The following AGO1 variants were observed in gnomAD, a reference collection of about 807,000 sequenced individuals.
The protein encoded by AGO1 is protein argonaute-1.
AGO1 carries 11 observed loss-of-function variants against 109.2 expected under a neutral mutation model. The ratio of observed to expected loss-of-function variants is 0.10; its 90% CI spans 0.06 to 0.17. AGO1 has a LOEUF of 0.17. Among genes scored for constraint, AGO1 ranks in the 10% least tolerant of loss-of-function variants. AGO1 has a pLI of 1.00. For synonymous variants in AGO1, 422 were observed against 418.6 expected (o/e 1.01, Z -0.10); for missense variants, 574 against 1,140.3 (o/e 0.50, Z 7.15).
Position 35,919,819 on chromosome 1 carries a change from C to G in AGO1, c.*212C>G, listed in dbSNP as rs958110614. The G allele has an allele frequency of 1.8e-6, 1 of 555,584 alleles. No individual in the cohort carries two copies. Among genetic ancestry groups the G allele is most frequent in the South Asian group, 2.3e-5 (1 of 43,400 alleles). 34.4% of individuals were successfully genotyped at this position (555,584 alleles called of 1,614,324 possible). On this transcript the variant is annotated 3_prime_UTR_variant, in exon 19 of 19. Coordinates refer to ENST00000373204, the MANE Select transcript of AGO1 (RefSeq NM_012199.5). The surrounding 1 kb of genome is among the most constrained non-coding windows in gnomAD (Gnocchi z 6.6). ...AAATCTCTGATATCAACCTCATGTC[C>G]CCCACCCCTCACCCCATCTTGTCAC...
Position 35,889,183 on chromosome 1 carries a change from CTTTT to C in AGO1, c.209+590_209+593del, listed in dbSNP as rs35255117. Among the ~76,000 whole-genome samples the C allele has an allele frequency of 7.1e-5, 8 of 113,408 alleles. No individual in the cohort carries two copies. In the South Asian group the frequency reaches 2.3e-3, roughly 32 times the overall value. The allele number at this position is 113,408 out of a possible 152,430, so 74.4% of individuals were successfully genotyped here. On this transcript the variant is annotated intron_variant, in intron 2 of 18. Coordinates refer to ENST00000373204, the MANE Select transcript of AGO1 (RefSeq NM_012199.5). The stretch of plus-strand genomic sequence containing the variant: ...CCTTATTTAGAGGAAGTGATATTTC[CTTTT>C]TTTTTTTTTTTTTTTTGAGAGGGAG...
At chr1:35,904,618 C>G (rs535867133) in intron 11 of AGO1, among the ~76,000 whole-genome samples, 1 of 152,282 alleles carries the variant, frequency 6.6e-6, no homozygotes, top group South Asian at 2.1e-4. Flanking sequence ...CCCAGAAACT[C>G]AAACTTGGAA....
chr1:35,893,231 G>A lies in AGO1; in HGVS notation c.465G>A (p.Glu155=), dbSNP rs146336392. 1.7e-4 allele frequency: 278 copies of A among 1,614,150 alleles called. No homozygotes were observed. The African/African-American group carries it at 3.5e-3, about 21-fold the overall frequency. ...LVSGQIPVPL[E]SVQALDVAMR... ...GCGGCCAGATCCCTGTTCCCTTGGA[G>A]TCTGTGCAAGCCCTGGATGTGGCCA... The change falls in exon 4 of 19, where the codon GAG becomes GAA. Residue 155 remains glutamate (E), a synonymous_variant. Transcript: ENST00000373204. This position sits in a 1 kb window ranked among gnomAD's most constrained non-coding sequence, Gnocchi z 5.6.
chr1:35,885,956 GCTAACCTAAC>G (rs889675080), intron 1 of AGO1, among the ~76,000 whole-genome samples: 2 of 152,208 alleles, frequency 1.3e-5, no homozygotes, highest in African/African-American at 4.8e-5. Flanking sequence ...TTGCCCACCA[GCTAACCTAAC>G]CTAACCTAAC....
In AGO1 at chr1:35,919,786, C is replaced by A; in HGVS notation, c.*179C>A. ...GGAACAGGGCCAGCAAGACAGACCA[C>A]CAGCCAGAAATCTCTGATATCAACC... On this transcript the variant is annotated 3_prime_UTR_variant, in exon 19 of 19. Transcript: ENST00000373204. This position sits in a 1 kb window ranked among gnomAD's most constrained non-coding sequence, Gnocchi z 6.6. 1 of 588,094 alleles carries A rather than the reference C, an allele frequency of 1.7e-6. No homozygotes were observed. The highest frequency in any genetic ancestry group is 3.0e-6 in the Non-Finnish European group (1 of 334,772). The allele number at this position is 588,094 out of a possible 1,614,324, so 36.4% of individuals were successfully genotyped here. A position where few individuals can be genotyped will look rare whatever the true frequency, so the allele number is the denominator to read the frequency against.
chr1:35,910,679 T>C (rs1295143880), intron 12 of AGO1, among the ~76,000 whole-genome samples: 4 of 152,246 alleles, frequency 2.6e-5, no homozygotes, highest in Admixed American at 6.5e-5. Flanking sequence ...TGGTTTGTTA[T>C]AGTTTTTCCA....
Position 35,919,884 on chromosome 1 carries a change from G to A in AGO1, c.*277G>A. ...CCACTGGACCAAAAGGGGCAGCACTGGTGCCCACCATACACACAGGTGTCT... is the reference window on the plus strand; with the variant it reads ...CCACTGGACCAAAAGGGGCAGCACTAGTGCCCACCATACACACAGGTGTCT... On this transcript the variant is annotated 3_prime_UTR_variant, in exon 19 of 19. Coordinates refer to ENST00000373204, the MANE Select transcript of AGO1 (RefSeq NM_012199.5). The surrounding 1 kb of genome is among the most constrained non-coding windows in gnomAD (Gnocchi z 6.6). 2 of 424,576 alleles carry A rather than the reference G, an allele frequency of 4.7e-6. No homozygotes were observed. The highest frequency in any genetic ancestry group is 8.6e-6 in the Non-Finnish European group (2 of 233,468). The allele number at this position is 424,576 out of a possible 1,614,324, so 26.3% of individuals were successfully genotyped here.
In AGO1 at chr1:35,913,878, T is replaced by G; in HGVS notation, c.1619T>G (p.Met540Arg). Residue 540 changes from methionine to arginine, a missense_variant, in exon 13 of 19, where the codon ATG becomes AGG. Met to Arg is a moderately conservative substitution (Grantham distance 91). Transcript: ENST00000373204. ...VKRVGDTLLG[M>R]ATQCVQVKNV... ...CGTGTCGGAGATACACTCTTGGGAATGGCTACGCAGTGTGTGCAGGTGAAG... is the reference window on the plus strand; with the variant it reads ...CGTGTCGGAGATACACTCTTGGGAAGGGCTACGCAGTGTGTGCAGGTGAAG... 1 of 1,614,048 alleles carries G rather than the reference T, an allele frequency of 6.2e-7. No homozygotes were observed. The highest frequency in any genetic ancestry group is 8.5e-7 in the Non-Finnish European group (1 of 1,180,006).
At chr1:35,884,329 G>A (rs1041917221) in intron 1 of AGO1, among the ~76,000 whole-genome samples, 4 of 152,116 alleles carry the variant, frequency 2.6e-5, no homozygotes, top group African/African-American at 9.7e-5. Flanking sequence ...GGGTCCTCCT[G>A]AAGATAGGCC....
Position 35,901,856 on chromosome 1 carries a change from G to T in AGO1, c.1141-92G>T, listed in dbSNP as rs1645422537. The stretch of plus-strand genomic sequence containing the variant: ...TTAGGACTATTCCGTACCAACCCCA[G>T]CTTCTCCTTAGGGTTCTCTCCTTGA... On this transcript the variant is annotated intron_variant, in intron 9 of 18. Transcript: ENST00000373204. The surrounding 1 kb of genome is among the most constrained non-coding windows in gnomAD (Gnocchi z 4.8). The T allele has an allele frequency of 1.3e-6, 2 of 1,498,660 alleles. No individual in the cohort carries two copies. The highest frequency in any genetic ancestry group is 1.8e-6 in the Non-Finnish European group (2 of 1,117,984). The allele number at this position is 1,498,660 out of a possible 1,614,324, so 92.8% of individuals were successfully genotyped here.
At position 35,917,601 on chromosome 1, in the gene AGO1, C is replaced by T. The variant is rs1645758202; in HGVS notation, c.2037C>T (p.His679=). 6.2e-7 allele frequency: 1 copy of T among 1,612,872 alleles called. No homozygotes were observed. Among genetic ancestry groups the T allele is most frequent in the East Asian group, 2.2e-5 (1 of 44,866 alleles). ...CATTTTTTTGTGCCTAGATACTCCA[C>T]TATGAGCTACTGGCCATTCGTGATG... The part of the protein sequence containing the change: ...VPEGQLPQIL[H]YELLAIRDAC... Residue 679 remains histidine (H), a synonymous_variant, in exon 16 of 19, where the codon CAC becomes CAT. Coordinates refer to ENST00000373204, the MANE Select transcript of AGO1 (RefSeq NM_012199.5).
intron 1 of AGO1, among the ~76,000 whole-genome samples, chr1:35,877,956 G>T (rs140988849): frequency 1.3e-5 from 2 of 152,010 alleles, no homozygotes; most frequent in South Asian, 2.1e-4. Context: ...TTCCCAAAGT[G>T]CTGGGATTAC....
chr1:35,922,395 A>G lies in AGO1; in HGVS notation c.*2788A>G, dbSNP rs1645848655. ...ATGCAGATGGAGAAGTGGTGTTGGC[A>G]GCAAGCTTTGGCTCATGTGGATTTG... On this transcript the variant is annotated 3_prime_UTR_variant, in exon 19 of 19. Coordinates refer to ENST00000373204, the MANE Select transcript of AGO1 (RefSeq NM_012199.5). 6.6e-6 allele frequency: 1 copy of G among 152,296 alleles called. No individual in the cohort carries two copies. Among genetic ancestry groups the G allele is most frequent in the Non-Finnish European group, 1.5e-5 (1 of 68,062 alleles). 9.4% of individuals were successfully genotyped at this position (152,296 alleles called of 1,614,324 possible).
chr1:35,888,624 A>G lies in AGO1; in HGVS notation c.209+14A>G. On this transcript the variant is annotated intron_variant, in intron 2 of 18. Transcript: ENST00000373204. This position sits in a 1 kb window ranked among gnomAD's most constrained non-coding sequence, Gnocchi z 4.1. ...TAGAGTCAACCGGTAAGTGATGCAC[A>G]CCTAAGCCACCAAATCTGAAAGACA... is the stretch of plus-strand genomic sequence containing the variant. 1 of 1,612,852 alleles carries G rather than the reference A, an allele frequency of 6.2e-7. No homozygotes were observed.
intron 12 of AGO1, among the ~76,000 whole-genome samples, 164 bp from the exon 13 acceptor site, chr1:35,913,678 G>A (rs1013125394): frequency 5.3e-5 from 8 of 151,692 alleles, no homozygotes; most frequent in African/African-American, 1.5e-4. Context: ...TAATTTTCAC[G>A]ATTTTTAAAA....
chr1:35,929,243 T>C lies in AGO1; in HGVS notation c.*9636T>C. ...TCAAACCTCTTTGTCTTCCTACTTCTTGATATTACAAATCATGAGCCTTTC... is the reference window on the plus strand; with the variant it reads ...TCAAACCTCTTTGTCTTCCTACTTCCTGATATTACAAATCATGAGCCTTTC... On this transcript the variant is annotated 3_prime_UTR_variant, in exon 19 of 19. Transcript: ENST00000373204. The C allele has an allele frequency of 6.6e-6, 1 of 152,278 alleles. No homozygotes were observed. The highest frequency in any genetic ancestry group is 2.1e-4 in the South Asian group (1 of 4,836). 9.4% of individuals were successfully genotyped at this position (152,278 alleles called of 1,614,324 possible).
In AGO1 at chr1:35,907,168, G is replaced by A. The variant is rs371719034; in HGVS notation, c.1582+49G>A. 37 of 1,528,112 alleles carry A rather than the reference G, an allele frequency of 2.4e-5. No individual in the cohort carries two copies. In the Admixed American group the frequency reaches 3.7e-4, roughly 15 times the overall value. The allele number at this position is 1,528,112 out of a possible 1,614,324, so 94.7% of individuals were successfully genotyped here. A position where few individuals can be genotyped will look rare whatever the true frequency, so the allele number is the denominator to read the frequency against. ...TAATGGTGATAGGACTCTTCTCAGC[G>A]TAGTTCCCTGGGGTCTCCTGGGAAG... On this transcript the variant is annotated intron_variant, in intron 12 of 18. Coordinates refer to ENST00000373204, the MANE Select transcript of AGO1 (RefSeq NM_012199.5).
chr1:35,873,800 T>C (rs1468510301), intron 1 of AGO1: 1 of 152,356 alleles, frequency 6.6e-6, no homozygotes, highest in African/African-American at 2.4e-5. Context: ...GCTTCTTCAG[T>C]GCTCTCCAAA....
Position 35,915,500 on chromosome 1 carries a change from C to T in AGO1, c.1986C>T (p.Ile662=), listed in dbSNP as rs779770428. 1 of 1,614,184 alleles carries T rather than the reference C, an allele frequency of 6.2e-7. No homozygotes were observed. Among genetic ancestry groups the T allele is most frequent in the South Asian group, 1.1e-5 (1 of 91,084 alleles). Residue 662 remains isoleucine, a synonymous_variant, in exon 15 of 19, where the codon ATC becomes ATT. Transcript: ENST00000373204. The part of the protein sequence containing the change: ...YKSTRFKPTR[I]IFYRDGVPEG... ...CCACCCGTTTCAAGCCTACCCGCAT[C>T]ATCTTCTACCGAGATGGGGTGCCTG...
Sources: allele counts gnomAD v4.1 joint callset (sites outside exome capture counted in the v4.1 genomes callset), GRCh38; gene constraint gnomAD v4.1.1; non-coding constraint Gnocchi (gnomAD v3.1); transcripts MANE v1.5; gene names NCBI Gene and HGNC (gene_info 2026-07-23, HGNC 2026-07-21).